The following ATF7IP2 variants were observed in gnomAD, a reference collection of about 807,000 sequenced individuals.
ATF7IP2 encodes activating transcription factor 7-interacting protein 2.
ATF7IP2 carries 42 observed loss-of-function variants against 64.2 expected under a neutral mutation model. The observed-to-expected ratio is 0.65, with a 90% CI of 0.51 to 0.85. The LOEUF is 0.85. Ranked by LOEUF, ATF7IP2 falls within the 40% of genes least tolerant of loss-of-function variation. The pLI is 0.00. For synonymous variants in ATF7IP2, 308 were observed against 272.8 expected (o/e 1.13, Z -1.27); for missense variants, 933 against 784.2 (o/e 1.19, Z -2.27).
At chr16:10,400,693 GT>G (rs2047512578) in intron 1 of ATF7IP2, among the ~76,000 whole-genome samples, 1 of 152,040 alleles carries the variant, frequency 6.6e-6, no homozygotes, top group Admixed American at 6.6e-5. Context: ...GCGTGTGTGT[GT>G]TTTTTTGAGA....
chr16:10,450,698 CTG>C (rs2048957070), intron 8 of ATF7IP2, among the ~76,000 whole-genome samples: 2 of 152,106 alleles, frequency 1.3e-5, no homozygotes, highest in African/African-American at 4.8e-5. Context: ...TATTTTGAGC[CTG>C]TGTGTGTCTT....
chr16:10,458,382 A>T (rs912251154), intron 9 of ATF7IP2, among the ~76,000 whole-genome samples: 1 of 152,254 alleles, frequency 6.6e-6, no homozygotes, highest in Non-Finnish European at 1.5e-5. Context: ...AAAAATAAAA[A>T]GTGCTAGTGA....
intron 11 of ATF7IP2, 111 bp downstream of exon 11, chr16:10,473,645 G>T: frequency 1.3e-6 from 1 of 783,830 alleles, no homozygotes; most frequent in South Asian, 1.7e-5. Context: ...GTTACACACT[G>T]AAAAGCAGAC....
chr16:10,453,726 T>A (rs1228790698), intron 8 of ATF7IP2, among the ~76,000 whole-genome samples: 1 of 152,132 alleles, frequency 6.6e-6, no homozygotes, highest in Non-Finnish European at 1.5e-5. Context: ...CAAGCAATTC[T>A]CCTACCTCAG....
chr16:10,481,119 CAGTTG>C (rs1264466811), intron 13 of ATF7IP2, among the ~76,000 whole-genome samples, 155 bp downstream of exon 13: 4 of 152,192 alleles, frequency 2.6e-5, no homozygotes, highest in Admixed American at 1.3e-4. Context: ...TAAAATTATT[CAGTTG>C]AGTTTTACAG....
At chr16:10,409,582 A>G (rs1398627731) in intron 1 of ATF7IP2, among the ~76,000 whole-genome samples, 3 of 151,508 alleles carry the variant, frequency 2.0e-5, no homozygotes, top group Non-Finnish European at 4.4e-5. Flanking sequence ...CCCTGCAACC[A>G]CGCCCAGCTA....
rs71133355 is a variant in ATF7IP2, at chr16:10,472,855, CA to C, written c.1427-605del. ...TGGGCAAAACAGCAAGACTCCGTCT[CA>C]AAAAAAAAAAAAAAAAAATTTTAAC... On this transcript the variant is annotated intron_variant, in intron 10 of 13. Coordinates refer to ENST00000562102, the MANE Select transcript of ATF7IP2 (RefSeq NM_001393719.1). 8.2e-3 allele frequency among the ~76,000 whole-genome samples: 812 copies of C among 99,086 alleles called. 4 individuals carry two copies. Among genetic ancestry groups the C allele is most frequent in the East Asian group, 0.041 (148 of 3,598 alleles). The allele number at this position is 99,086 out of a possible 152,430, so 65.0% of individuals were successfully genotyped here.
intron 6 of ATF7IP2, among the ~76,000 whole-genome samples, chr16:10,434,733 G>T (rs969806908): frequency 6.6e-6 from 1 of 152,178 alleles, no homozygotes; most frequent in African/African-American, 2.4e-5. Flanking sequence ...TATTCAAGAA[G>T]AAGGTTGGGG....
intron 1 of ATF7IP2, among the ~76,000 whole-genome samples, chr16:10,398,646 C>A (rs1316858020): frequency 1.3e-5 from 2 of 152,142 alleles, no homozygotes; most frequent in Non-Finnish European, 2.9e-5. Context: ...ATGAATAAAC[C>A]TGAACATTGT....
intron 9 of ATF7IP2, among the ~76,000 whole-genome samples, chr16:10,469,977 C>CA (rs538207840): frequency 1.1e-4 from 17 of 148,196 alleles, no homozygotes; most frequent in African/African-American, 2.5e-4. Context: ...CTTTTTAAGC[C>CA]AAAAAAAAGG....
chr16:10,475,978 G>A (rs1206395837), intron 12 of ATF7IP2, among the ~76,000 whole-genome samples: 1 of 152,168 alleles, frequency 6.6e-6, no homozygotes, highest in Non-Finnish European at 1.5e-5. Flanking sequence ...ATAAAGTTCA[G>A]CTTCTGTTGT....
At chr16:10,478,531 G>C (rs1177846047) in intron 12 of ATF7IP2, among the ~76,000 whole-genome samples, 1 of 152,140 alleles carries the variant, frequency 6.6e-6, no homozygotes, top group Non-Finnish European at 1.5e-5. Context: ...TTAAACGTTA[G>C]ACCTAAAACC....
At chr16:10,386,675 T>C (rs866591243) in intron 1 of ATF7IP2, 1 of 152,160 alleles carries the variant, frequency 6.6e-6, no homozygotes. Flanking sequence ...AGTAAAATGC[T>C]GAAATCCCGT....
At position 10,431,340 on chromosome 16, in the gene ATF7IP2, T is replaced by G. The variant is rs1461421192; in HGVS notation, c.720T>G (p.Thr240=). The G allele has an allele frequency of 7.4e-6, 12 of 1,614,104 alleles. No homozygotes were observed. The highest frequency in any genetic ancestry group is 9.3e-6 in the Non-Finnish European group (11 of 1,180,030). The change falls in exon 5 of 14, where the codon ACT becomes ACG. Residue 240 remains threonine, a synonymous_variant. Coordinates refer to ENST00000562102, the MANE Select transcript of ATF7IP2 (RefSeq NM_001393719.1). ...EKTPNLVNSV[T]SNNCADDILK... ...CACCTAATTTGGTGAATTCAGTCACTTCTAACAACTGTGCTGATGACATTT... is the reference window on the plus strand; with the variant it reads ...CACCTAATTTGGTGAATTCAGTCACGTCTAACAACTGTGCTGATGACATTT...
chr16:10,409,878 A>T (rs142892574), intron 1 of ATF7IP2, among the ~76,000 whole-genome samples: 4 of 152,216 alleles, frequency 2.6e-5, no homozygotes, highest in South Asian at 2.1e-4. Flanking sequence ...GTCAAAGCTC[A>T]GTTGACTGTA....
chr16:10,391,832 G>A (rs2047331981), intron 1 of ATF7IP2, among the ~76,000 whole-genome samples: 1 of 151,802 alleles, frequency 6.6e-6, no homozygotes. Context: ...GGAGGTGGAG[G>A]TTGCAGTGAG....
chr16:10,396,987 T>G (rs78507278), intron 1 of ATF7IP2, among the ~76,000 whole-genome samples: 5,763 of 152,194 alleles, frequency 0.038, 253 homozygotes, highest in Admixed American at 0.084. Flanking sequence ...TTTGTAGTAA[T>G]GCATTTAAAG....
chr16:10,410,890 A>G (rs1240303356), intron 1 of ATF7IP2, among the ~76,000 whole-genome samples: 7 of 152,186 alleles, frequency 4.6e-5, no homozygotes, highest in Non-Finnish European at 1.0e-4. Flanking sequence ...TGTCCTTTGT[A>G]TGCCAATTTT....
chr16:10,432,296 T>C (rs1444197203), intron 5 of ATF7IP2, among the ~76,000 whole-genome samples: 1 of 152,160 alleles, frequency 6.6e-6, no homozygotes, highest in African/African-American at 2.4e-5. Flanking sequence ...CAAAAGTGAA[T>C]TTCATTTGAA....
Sources: gnomAD v4.1 joint callset for allele counts (sites outside exome capture counted in the v4.1 genomes callset) on GRCh38, gnomAD v4.1.1 for gene constraint, MANE v1.5 for transcripts, NCBI Gene and HGNC (gene_info 2026-07-23, HGNC 2026-07-21) for gene names.